XYLT1: variants seen among roughly 807,000 people sequenced by gnomAD.
XYLT1 encodes the protein xylosyltransferase 1, also known as beta-D-xylosyltransferase 1.
A neutral mutation model predicts 91.3 loss-of-function variants in XYLT1; 36 were observed. The observed-to-expected ratio is 0.39, with a 90% CI of 0.30 to 0.52. The LOEUF is 0.52. Among genes scored for constraint, XYLT1 ranks in the 20% least tolerant of loss-of-function variants. The pLI, the probability that XYLT1 is intolerant of heterozygous loss-of-function variation, is 0.68. For synonymous variants in XYLT1, 588 were observed against 532.0 expected (o/e 1.11, Z -1.45); for missense variants, 1,242 against 1,284.5 (o/e 0.97, Z 0.51).
chr16:17,357,650 A>G (rs892772711), intron 2 of XYLT1, among the ~76,000 whole-genome samples: 2 of 152,248 alleles, frequency 1.3e-5, no homozygotes, highest in African/African-American at 4.8e-5. Context: ...ATCAAAGAGT[A>G]GCATCTTCCC....
intron 2 of XYLT1, among the ~76,000 whole-genome samples, chr16:17,342,721 C>CAA (rs200220961): frequency 6.5e-4 from 98 of 150,124 alleles, no homozygotes; most frequent in Admixed American, 2.0e-3. Context: ...GACCCTGTCT[C>CAA]AAAAAAAAAC....
intron 3 of XYLT1, among the ~76,000 whole-genome samples, chr16:17,215,145 C>T (rs1315018808): frequency 6.6e-6 from 1 of 152,114 alleles, no homozygotes; most frequent in Non-Finnish European, 1.5e-5. Context: ...CACTTGAAGT[C>T]AGGAGTTGAA....
intron 1 of XYLT1, among the ~76,000 whole-genome samples, chr16:17,359,421 C>T (rs903960858): frequency 2.6e-5 from 4 of 152,152 alleles, no homozygotes; most frequent in South Asian, 2.1e-4. Flanking sequence ...GACTGTTCTA[C>T]GGTATCTTTG....
chr16:17,207,055 T>TC (rs58892734), intron 3 of XYLT1, among the ~76,000 whole-genome samples: 40,521 of 118,466 alleles, frequency 0.34, 6,872 homozygotes, highest in South Asian at 0.59. Context: ...TTTCTTTCTT[T>TC]TTTTTTTTTT....
chr16:17,278,403 C>T (rs947487872), intron 2 of XYLT1, among the ~76,000 whole-genome samples: 1 of 152,174 alleles, frequency 6.6e-6, no homozygotes, highest in Non-Finnish European at 1.5e-5. Context: ...AGAAGTTCTT[C>T]TTCATTGCCG....
intron 2 of XYLT1, among the ~76,000 whole-genome samples, chr16:17,280,083 G>GCT (rs760711475): frequency 2.6e-5 from 4 of 152,200 alleles, no homozygotes; most frequent in Admixed American, 6.5e-5. Context: ...GGGCGTGGTG[G>GCT]CTCATGCCTA....
At chr16:17,411,406 T>G (rs2036105657) in intron 1 of XYLT1, among the ~76,000 whole-genome samples, 1 of 152,230 alleles carries the variant, frequency 6.6e-6, no homozygotes, top group Admixed American at 6.5e-5. Context: ...TTCATTGTAT[T>G]GTGTCATTCT....
At chr16:17,247,225 GTC>G (rs1244308069) in intron 3 of XYLT1, among the ~76,000 whole-genome samples, 1 of 148,698 alleles carries the variant, frequency 6.7e-6, no homozygotes, top group Non-Finnish European at 1.5e-5. Flanking sequence ...CTTGCACTAA[GTC>G]TCTGTCTTGG....
At chr16:17,294,416 C>T (rs192200401) in intron 2 of XYLT1, among the ~76,000 whole-genome samples, 5 of 152,252 alleles carry the variant, frequency 3.3e-5, no homozygotes, top group Middle Eastern at 6.8e-3. Flanking sequence ...AAGCAGAGTG[C>T]GCATAACTAA....
intron 1 of XYLT1, among the ~76,000 whole-genome samples, chr16:17,368,050 C>T (rs556140477): frequency 3.9e-5 from 6 of 152,232 alleles, no homozygotes; most frequent in South Asian, 4.1e-4. Context: ...CATCTATTGT[C>T]GAAGATACAG....
chr16:17,209,531 G>A (rs1241384383), intron 3 of XYLT1, among the ~76,000 whole-genome samples: 2 of 152,202 alleles, frequency 1.3e-5, no homozygotes, highest in Non-Finnish European at 2.9e-5. Context: ...TGGAATTGGT[G>A]GATCATAAAG....
intron 1 of XYLT1, among the ~76,000 whole-genome samples, chr16:17,453,928 G>C (rs1042898304): frequency 4.6e-5 from 7 of 152,220 alleles, no homozygotes; most frequent in African/African-American, 1.7e-4. Context: ...CATCGGGCTT[G>C]TTCCCAACAG....
chr16:17,362,226 T>C (rs2141866492), intron 1 of XYLT1, among the ~76,000 whole-genome samples: 1 of 152,316 alleles, frequency 6.6e-6, no homozygotes, highest in Non-Finnish European at 1.5e-5. Flanking sequence ...AGTACCACCT[T>C]AACAAATACC....
chr16:17,405,938 A>C (rs557909974), intron 1 of XYLT1, among the ~76,000 whole-genome samples: 1 of 152,286 alleles, frequency 6.6e-6, no homozygotes, highest in African/African-American at 2.4e-5. Context: ...AAATCCCAGC[A>C]CTTTGGGAGG....
At chr16:17,187,951 T>C (rs1208036349) in intron 5 of XYLT1, among the ~76,000 whole-genome samples, 1 of 152,130 alleles carries the variant, frequency 6.6e-6, no homozygotes, top group Non-Finnish European at 1.5e-5. Flanking sequence ...TCACGCTTGC[T>C]TCTCTGTTCT....
chr16:17,470,405 G>T (rs1195587369), intron 1 of XYLT1, 29 bp downstream of exon 1: 2 of 1,223,880 alleles, frequency 1.6e-6, no homozygotes, highest in East Asian at 6.4e-5. Flanking sequence ...CTCCCTCGCC[G>T]CGGGGCGCGA....
intron 10 of XYLT1, among the ~76,000 whole-genome samples, chr16:17,120,561 G>C (rs941980519): frequency 3.9e-5 from 6 of 152,056 alleles, no homozygotes; most frequent in African/African-American, 1.4e-4. Flanking sequence ...CTAGATTTTG[G>C]CTCAGGCATC....
intron 1 of XYLT1, among the ~76,000 whole-genome samples, chr16:17,367,757 C>T (rs2035474122): frequency 6.6e-6 from 1 of 152,152 alleles, no homozygotes; most frequent in Non-Finnish European, 1.5e-5. Context: ...TCAATACGGC[C>T]CGAGGAGCAG....
intron 3 of XYLT1, among the ~76,000 whole-genome samples, chr16:17,246,900 T>C (rs992038609): frequency 2.0e-5 from 3 of 152,140 alleles, no homozygotes; most frequent in African/African-American, 7.2e-5. Context: ...CTGTGACATG[T>C]ACCCCAGCAG....
Sources: gnomAD v4.1 joint callset for allele counts (sites outside exome capture counted in the v4.1 genomes callset) on GRCh38, gnomAD v4.1.1 for gene constraint, MANE v1.5 for transcripts, NCBI Gene and HGNC (gene_info 2026-07-23, HGNC 2026-07-21) for gene names.